CSKMT: variants seen among roughly 807,000 people sequenced by gnomAD.
CSKMT encodes citrate synthase-lysine N-methyltransferase CSKMT, mitochondrial.
A neutral mutation model predicts 4.6 loss-of-function variants in CSKMT; 6 were observed. The ratio of observed to expected loss-of-function variants is 1.31; its 90% CI spans 0.72 to 2.59. CSKMT has a LOEUF of 2.59. CSKMT is among the 30% of genes most tolerant of loss of function. The pLI is 0.00. For synonymous variants in CSKMT, 142 were observed against 128.9 expected (o/e 1.10, Z -0.69); for missense variants, 328 against 298.0 (o/e 1.10, Z -0.74).
Position 62,667,201 on chromosome 11 carries a change from T to A in CSKMT, c.*150T>A. 1.3e-6 allele frequency: 1 copy of A among 798,404 alleles called. No homozygotes were observed. The highest frequency in any genetic ancestry group is 2.6e-5 in the East Asian group (1 of 38,708). 49.5% of individuals were successfully genotyped at this position (798,404 alleles called of 1,614,324 possible). A position where few individuals can be genotyped will look rare whatever the true frequency, so the allele number is the denominator to read the frequency against. Reference sequence around the variant, plus strand: ...GTGCCATATTGCTGAATGTTTCTGTTCCCCAGTTTACTCATCTGCAGAGTG... The same window carrying A: ...GTGCCATATTGCTGAATGTTTCTGTACCCCAGTTTACTCATCTGCAGAGTG... On this transcript the variant is annotated 3_prime_UTR_variant, in exon 3 of 3. Transcript: ENST00000532971.
chr11:62,667,728 C>T lies in CSKMT; in HGVS notation c.*677C>T, dbSNP rs1235482188. On this transcript the variant is annotated 3_prime_UTR_variant, in exon 3 of 3. Transcript: ENST00000532971. ...ATGTTCTTAAAGGACTTCTAGGGTC[C>T]TGTGGGCTCCAAGCCCAGCCTGGGA... 13 of 1,608,630 alleles carry T rather than the reference C, an allele frequency of 8.1e-6. No homozygotes were observed. Among genetic ancestry groups the T allele is most frequent in the Non-Finnish European group, 1.0e-5 (12 of 1,175,578 alleles).
chr11:62,666,906 C>T lies in CSKMT; in HGVS notation c.578C>T (p.Thr193Ile), dbSNP rs1399341376. 4 of 1,613,830 alleles carry T rather than the reference C, an allele frequency of 2.5e-6. No homozygotes were observed. In the East Asian group the frequency reaches 8.9e-5, roughly 36 times the overall value. ...TTGAGGGTTCTAAACCCTCAGGGGA[C>T]CCTGATTCAGTTCTCAGATGAGGAC... Reference protein sequence around the residue: ...ECLRVLNPQGTLIQFSDEDPD... With the variant: ...ECLRVLNPQGILIQFSDEDPD... The change falls in exon 3 of 3, where the codon ACC becomes ATC. Residue 193 changes from threonine to isoleucine, a missense_variant. By Grantham distance (89) the Thr-to-Ile change is moderately conservative. Coordinates refer to ENST00000532971, the MANE Select transcript of CSKMT (RefSeq NM_001043229.2).
In CSKMT at chr11:62,665,345, T is replaced by A; in HGVS notation, c.-234+13T>A. 1.2e-6 allele frequency: 1 copy of A among 805,712 alleles called. No individual in the cohort carries two copies. The highest frequency in any genetic ancestry group is 2.0e-6 in the Non-Finnish European group (1 of 498,944). The allele number at this position is 805,712 out of a possible 1,614,324, so 49.9% of individuals were successfully genotyped here. ...GGGTGGTGAGCTAGTAAGTGTGGTTTTAGCTGTAGTAGCCAGATTGGGCGG... is the reference window on the plus strand; with the variant it reads ...GGGTGGTGAGCTAGTAAGTGTGGTTATAGCTGTAGTAGCCAGATTGGGCGG... On this transcript the variant is annotated intron_variant, in intron 1 of 2. Coordinates refer to ENST00000532971, the MANE Select transcript of CSKMT (RefSeq NM_001043229.2).
At chr11:62,666,086 G>A (rs920561928) in intron 2 of CSKMT, 140 bp downstream of exon 2, 6 of 1,018,782 alleles carry the variant, frequency 5.9e-6, no homozygotes, top group East Asian at 5.2e-5. Flanking sequence ...GGTGGCTCAC[G>A]GCTGTAATGC....
rs74695446 is a variant in CSKMT, at chr11:62,667,957, A to G, written c.*906A>G. On this transcript the variant is annotated 3_prime_UTR_variant, in exon 3 of 3. Coordinates refer to ENST00000532971, the MANE Select transcript of CSKMT (RefSeq NM_001043229.2). ...GTGGCACAGGCATGTAGTTCCAACT[A>G]CTCAGGAGGCTGAGCTGGGAGGACT... 1,918 of 505,390 alleles carry G rather than the reference A, an allele frequency of 3.8e-3. 30 individuals are homozygous for G. Among genetic ancestry groups the G allele is most frequent in the African/African-American group, 0.032 (1,699 of 52,806 alleles). 31.3% of individuals were successfully genotyped at this position (505,390 alleles called of 1,614,324 possible).
chr11:62,667,496 A>G lies in CSKMT; in HGVS notation c.*445A>G, dbSNP rs757230581. 6.2e-7 allele frequency: 1 copy of G among 1,603,562 alleles called. No individual in the cohort carries two copies. Among genetic ancestry groups the G allele is most frequent in the South Asian group, 1.1e-5 (1 of 90,872 alleles). ...GGAGCTTCATAAACCTGGATGAGAT[A>G]TTTGAGGGGGAGGGAACAATACTTA... On this transcript the variant is annotated 3_prime_UTR_variant, in exon 3 of 3. Transcript: ENST00000532971.
chr11:62,666,234 G>T lies in CSKMT; in HGVS notation c.68-162G>T, dbSNP rs970208417. 3.8e-6 allele frequency: 3 copies of T among 793,866 alleles called. No individual in the cohort carries two copies. The African/African-American group carries it at 5.2e-5, about 14-fold the overall frequency. 49.2% of individuals were successfully genotyped at this position (793,866 alleles called of 1,614,324 possible). On this transcript the variant is annotated intron_variant, in intron 2 of 2. Coordinates refer to ENST00000532971, the MANE Select transcript of CSKMT (RefSeq NM_001043229.2). ...GCCTATAGTCCTAGCTACTCAGGAG[G>T]CTGAGGTGGAGGCTTCAGTGAGCCA...
chr11:62,666,453 A>G lies in CSKMT; in HGVS notation c.125A>G (p.Gln42Arg). 2 of 1,613,418 alleles carry G rather than the reference A, an allele frequency of 1.2e-6. No homozygotes were observed. The highest frequency in any genetic ancestry group is 2.2e-5 in the East Asian group (1 of 44,882). The change falls in exon 3 of 3, where the codon CAG becomes CGG. Residue 42 changes from glutamine (Q) to arginine (R), a missense_variant. Gln to Arg is a conservative substitution (Grantham distance 43, BLOSUM62 1). Transcript: ENST00000532971. The part of the protein sequence containing the change: ...DRCLWDRLHA[Q>R]PRLGTVPTFD... ...TGTCTCTGGGATCGGCTGCATGCCCAGCCTCGTTTGGGCACTGTCCCCACC... is the reference window on the plus strand; with the variant it reads ...TGTCTCTGGGATCGGCTGCATGCCCGGCCTCGTTTGGGCACTGTCCCCACC...
Position 62,667,446 on chromosome 11 carries a change from GGAGATTGTA to G in CSKMT, c.*396_*404del, listed in dbSNP as rs747606081. The G allele has an allele frequency of 2.1e-6, 3 of 1,462,804 alleles. No individual in the cohort carries two copies. In the South Asian group the frequency reaches 3.4e-5, roughly 17 times the overall value. The allele number at this position is 1,462,804 out of a possible 1,614,324, so 90.6% of individuals were successfully genotyped here. A position where few individuals can be genotyped will look rare whatever the true frequency, so the allele number is the denominator to read the frequency against. ...AGCCTCATTTTTGTCACCTGTAAAAGGAGATTGTAAGAGGATGGGTATAAGGAGCTTCAT... is the reference window on the plus strand; with the variant it reads ...AGCCTCATTTTTGTCACCTGTAAAAGAGAGGATGGGTATAAGGAGCTTCAT... On this transcript the variant is annotated 3_prime_UTR_variant, in exon 3 of 3. Coordinates refer to ENST00000532971, the MANE Select transcript of CSKMT (RefSeq NM_001043229.2).
In CSKMT at chr11:62,665,763, C is replaced by G. The variant is rs750219059; in HGVS notation, c.-117C>G. On this transcript the variant is annotated 5_prime_UTR_variant, in exon 2 of 3. Coordinates refer to ENST00000532971, the MANE Select transcript of CSKMT (RefSeq NM_001043229.2). ...GACTGCAGAGTTCGGGGAAGCTGTA[C>G]GCCGCCTTTCGCTACGCGGAATTTG... 8.7e-5 allele frequency: 132 copies of G among 1,513,038 alleles called. No individual in the cohort carries two copies. Among genetic ancestry groups the G allele is most frequent in the Non-Finnish European group, 1.1e-4 (125 of 1,129,478 alleles). 93.7% of individuals were successfully genotyped at this position (1,513,038 alleles called of 1,614,324 possible).
At chr11:62,665,464 C>G in intron 1 of CSKMT, 132 bp downstream of exon 1, 5 of 1,572,746 alleles carry the variant, frequency 3.2e-6, no homozygotes, top group Middle Eastern at 1.7e-4. Context: ...TGCCGCTCCC[C>G]GTAATGTACG....
chr11:62,666,540 C>T lies in CSKMT; in HGVS notation c.212C>T (p.Ala71Val), dbSNP rs768240000. 6.2e-7 allele frequency: 1 copy of T among 1,614,158 alleles called. No individual in the cohort carries two copies. The highest frequency in any genetic ancestry group is 1.1e-5 in the South Asian group (1 of 91,084). ...QGLLLPLLQE[A>V]QAASPLRVLD... is the part of the protein sequence containing the mutation. Reference sequence around the variant, plus strand: ...CTCCTACTGCCATTGCTGCAGGAGGCACAGGCTGCCAGTCCTCTGCGAGTG... The same window carrying T: ...CTCCTACTGCCATTGCTGCAGGAGGTACAGGCTGCCAGTCCTCTGCGAGTG... Residue 71 changes from alanine (A) to valine (V), a missense_variant, in exon 3 of 3, where the codon GCA becomes GTA. By Grantham distance (64) the Ala-to-Val change is moderately conservative (BLOSUM62 0). Coordinates refer to ENST00000532971, the MANE Select transcript of CSKMT (RefSeq NM_001043229.2).
chr11:62,667,942 C>T lies in CSKMT; in HGVS notation c.*891C>T, dbSNP rs2134639277. 2 of 543,568 alleles carry T rather than the reference C, an allele frequency of 3.7e-6. No individual in the cohort carries two copies. Among genetic ancestry groups the T allele is most frequent in the South Asian group, 2.4e-5 (1 of 41,586 alleles). 33.7% of individuals were successfully genotyped at this position (543,568 alleles called of 1,614,324 possible). ...AATGAGCCCGGGATAGTGGCACAGG[C>T]ATGTAGTTCCAACTACTCAGGAGGC... On this transcript the variant is annotated 3_prime_UTR_variant, in exon 3 of 3. Transcript: ENST00000532971.
In CSKMT at chr11:62,666,549, C is replaced by T. The variant is rs1590849686; in HGVS notation, c.221C>T (p.Ala74Val). The T allele has an allele frequency of 6.2e-7, 1 of 1,614,048 alleles. No individual in the cohort carries two copies. The highest frequency in any genetic ancestry group is 1.1e-5 in the South Asian group (1 of 91,088). Residue 74 changes from alanine to valine, a missense_variant, in exon 3 of 3, where the codon GCC becomes GTC. Ala to Val is a moderately conservative substitution (Grantham distance 64, BLOSUM62 0). Transcript: ENST00000532971. The part of the protein sequence containing the change: ...LLPLLQEAQA[A>V]SPLRVLDVGC... ...CCATTGCTGCAGGAGGCACAGGCTG[C>T]CAGTCCTCTGCGAGTGCTGGATGTG...
intron 2 of CSKMT, 138 bp downstream of exon 2, chr11:62,666,084 A>C: frequency 3.8e-6 from 4 of 1,042,030 alleles, no homozygotes; most frequent in Non-Finnish European, 5.5e-6. Flanking sequence ...GTGGTGGCTC[A>C]CGGCTGTAAT....
Position 62,667,451 on chromosome 11 carries a change from T to C in CSKMT, c.*400T>C, listed in dbSNP as rs971213504. 4.1e-6 allele frequency: 6 copies of C among 1,480,126 alleles called. No homozygotes were observed. Among genetic ancestry groups the C allele is most frequent in the Non-Finnish European group, 4.7e-6 (5 of 1,059,572 alleles). 91.7% of individuals were successfully genotyped at this position (1,480,126 alleles called of 1,614,324 possible). On this transcript the variant is annotated 3_prime_UTR_variant, in exon 3 of 3. Transcript: ENST00000532971. ...CATTTTTGTCACCTGTAAAAGGAGA[T>C]TGTAAGAGGATGGGTATAAGGAGCT...
Position 62,665,960 on chromosome 11 carries a change from G to A in CSKMT, c.67+14G>A, listed in dbSNP as rs1487413947. The A allele has an allele frequency of 2.5e-6, 4 of 1,601,744 alleles. No individual in the cohort carries two copies. The highest frequency in any genetic ancestry group is 3.4e-6 in the Non-Finnish European group (4 of 1,174,782). ...GCCCCTTTGCGGGTAGGGAGGTGGGGGCAGAGTGGAGAGGGCAAGGTGGGG... is the reference window on the plus strand; with the variant it reads ...GCCCCTTTGCGGGTAGGGAGGTGGGAGCAGAGTGGAGAGGGCAAGGTGGGG... On this transcript the variant is annotated intron_variant, in intron 2 of 2. Transcript: ENST00000532971.
Position 62,666,710 on chromosome 11 carries a change from C to T in CSKMT, c.382C>T (p.Pro128Ser), listed in dbSNP as rs1275309722. 1 of 1,613,952 alleles carries T rather than the reference C, an allele frequency of 6.2e-7. No individual in the cohort carries two copies. The highest frequency in any genetic ancestry group is 8.5e-7 in the Non-Finnish European group (1 of 1,180,024). ...SLLEGGPGQTPLCPGHPASSL... is the reference protein window; with the variant it reads ...SLLEGGPGQTSLCPGHPASSL... ...CCTGGAGGGTGGCCCAGGCCAAACA[C>T]CTCTATGCCCTGGACACCCTGCCTC... The change falls in exon 3 of 3, where the codon CCT becomes TCT. Residue 128 changes from proline (P) to serine (S), a missense_variant. By Grantham distance (74) the Pro-to-Ser change is moderately conservative. Coordinates refer to ENST00000532971, the MANE Select transcript of CSKMT (RefSeq NM_001043229.2).
rs377091669 is a variant in CSKMT at position 62,666,614 on chromosome 11, A to G, written c.286A>G (p.Lys96Glu). ...TSSLCTGLYT[K>E]SPHPVDVLGV... The stretch of plus-strand genomic sequence containing the variant: ...CAGCCTATGTACAGGCCTCTACACC[A>G]AATCTCCACACCCAGTGGATGTGCT... The change falls in exon 3 of 3, where the codon AAA becomes GAA. Residue 96 changes from lysine (K) to glutamate (E), a missense_variant. Physicochemically the swap from Lys to Glu is moderately conservative, Grantham distance 56 (BLOSUM62 1). Transcript: ENST00000532971. The G allele has an allele frequency of 1.6e-4, 256 of 1,613,578 alleles. No homozygotes were observed. The highest frequency in any genetic ancestry group is 2.1e-4 in the Non-Finnish European group (250 of 1,180,018).
Sources: allele counts gnomAD v4.1 joint callset, GRCh38; gene constraint gnomAD v4.1.1; transcripts MANE v1.5; gene names NCBI Gene and HGNC (gene_info 2026-07-23, HGNC 2026-07-21).